ADGRA3: variants seen among roughly 807,000 people sequenced by gnomAD.
ADGRA3 encodes the protein G-protein coupled receptor 125.
ADGRA3 carries 56 observed loss-of-function variants against 119.8 expected under a neutral mutation model. The ratio of observed to expected loss-of-function variants is 0.47; its 90% CI spans 0.38 to 0.58. The LOEUF (loss-of-function observed/expected upper bound fraction) is 0.58, where lower values mean the gene tolerates loss of function less well. Ranked by LOEUF, ADGRA3 falls within the 20% of genes least tolerant of loss-of-function variation. The pLI, the probability that ADGRA3 is intolerant of heterozygous loss-of-function variation, is 0.00. For missense variants in ADGRA3, 1,516 were observed against 1,649.0 expected, an observed-to-expected ratio of 0.92 and a Z score of 1.40; for synonymous variants, 607 against 623.8, an observed-to-expected ratio of 0.97 and a Z score of 0.40.
intron 10 of ADGRA3, among the ~76,000 whole-genome samples, chr4:22,434,006 A>G (rs1398146953): frequency 6.6e-6 from 1 of 152,048 alleles, no homozygotes. Flanking sequence ...TCCCGTTTAT[A>G]TACATGTATC....
intron 12 of ADGRA3, chr4:22,414,686 C>G (rs2109025793): frequency 1.5e-6 from 1 of 657,810 alleles, no homozygotes; most frequent in Non-Finnish European, 2.7e-6. Flanking sequence ...AGCCCAAATC[C>G]TAAGTTCACC....
At chr4:22,498,924 A>AAAAAAAC (rs1267971999) in intron 1 of ADGRA3, among the ~76,000 whole-genome samples, 2 of 1,836 alleles carry the variant, frequency 1.1e-3, no homozygotes, top group African/African-American at 2.9e-3. Flanking sequence ...AAAAAAAAAC[A>AAAAAAAC]AAAAAAACAA....
At position 22,388,312 on chromosome 4, in the gene ADGRA3, G is replaced by C; in HGVS notation, c.3359C>G (p.Ala1120Gly). ...SQGCKLTNLQ[A>G]AAAQCHANSL... ...ATTGGCATGGCACTGAGCTGCAGCCGCCTGCAAGTTTGTTAATTTGCAGCC... is the reference window on the plus strand; with the variant it reads ...ATTGGCATGGCACTGAGCTGCAGCCCCCTGCAAGTTTGTTAATTTGCAGCC... Residue 1120 changes from alanine to glycine, a missense_variant, in exon 19 of 19, where the codon GCG (alanine) becomes GGG (glycine). This residue lies in a region of ADGRA3 where 1,088 missense variants were observed against 1,107.1 expected (regional missense o/e 0.98). Transcript: ENST00000334304. 6.2e-7 allele frequency: 1 copy of C among 1,614,030 alleles called. No homozygotes were observed. Among genetic ancestry groups the C allele is most frequent in the Non-Finnish European group, 8.5e-7 (1 of 1,179,992 alleles).
At position 22,515,704 on chromosome 4, in the gene ADGRA3, C is replaced by A. The variant is rs1719639463; in HGVS notation, c.81G>T (p.Leu27=). ...LPLSLLALLA[L]LGGGGGGGAA... Reference sequence around the variant, plus strand: ...CGCCGCCGCCGCCGCCGCCTCCCAGCAGCGCGAGCAGCGCTAACAGCGAGA... The same window carrying A: ...CGCCGCCGCCGCCGCCGCCTCCCAGAAGCGCGAGCAGCGCTAACAGCGAGA... Residue 27 remains leucine, a synonymous_variant, in exon 1 of 19, where the codon CTG becomes CTT. Transcript: ENST00000334304. 3 of 1,069,216 alleles carry A rather than the reference C, an allele frequency of 2.8e-6. No homozygotes were observed. Among genetic ancestry groups the A allele is most frequent in the Non-Finnish European group, 3.4e-6 (3 of 889,846 alleles). The allele number at this position is 1,069,216 out of a possible 1,614,324, so 66.2% of individuals were successfully genotyped here.
rs145196680 is a variant in ADGRA3 at position 22,407,893 on chromosome 4, T to C, written c.2233-5094A>G. Among the ~76,000 whole-genome samples, 1,493 of 152,118 alleles carry C rather than the reference T, an allele frequency of 9.8e-3. 16 individuals carry two copies. Among genetic ancestry groups the C allele is most frequent in the Non-Finnish European group, 0.013 (870 of 67,954 alleles). On this transcript the variant is annotated intron_variant, in intron 14 of 18. Coordinates refer to ENST00000334304, the MANE Select transcript of ADGRA3 (RefSeq NM_145290.4). ...CAATAAGAATAATTAAAATAAGCAA[T>C]TGTCTAAGTACCAGGATCTGAACAA...
chr4:22,444,040 GTT>G (rs2109075644), intron 6 of ADGRA3, among the ~76,000 whole-genome samples: 1 of 151,934 alleles, frequency 6.6e-6, no homozygotes, highest in East Asian at 1.9e-4. Context: ...TTTTGTTTTT[GTT>G]TTTGTTTCTT....
intron 1 of ADGRA3, among the ~76,000 whole-genome samples, chr4:22,497,064 T>C (rs1718854042): frequency 6.6e-6 from 1 of 152,108 alleles, no homozygotes; most frequent in Non-Finnish European, 1.5e-5. Context: ...TTGGGGCGAA[T>C]CATAACCAAA....
At chr4:22,457,313 A>C (rs1717271994) in intron 3 of ADGRA3, among the ~76,000 whole-genome samples, 1 of 152,230 alleles carries the variant, frequency 6.6e-6, no homozygotes, top group Non-Finnish European at 1.5e-5. Context: ...AATAACAAAA[A>C]TACTTTATGT....
intron 1 of ADGRA3, among the ~76,000 whole-genome samples, chr4:22,500,599 TA>T (rs1216940556): frequency 6.6e-6 from 1 of 152,170 alleles, no homozygotes; most frequent in Non-Finnish European, 1.5e-5. Flanking sequence ...GAAGTTAAAC[TA>T]GCAGCAGAAA....
intron 14 of ADGRA3, among the ~76,000 whole-genome samples, chr4:22,404,086 T>A (rs1172496734): frequency 1.3e-5 from 2 of 152,184 alleles, no homozygotes; most frequent in African/African-American, 4.8e-5. Flanking sequence ...CCATGCCAGA[T>A]AACCTGGGTT....
chr4:22,466,587 C>T (rs532157533), intron 2 of ADGRA3, among the ~76,000 whole-genome samples: 9 of 152,196 alleles, frequency 5.9e-5, no homozygotes, highest in Admixed American at 3.9e-4. Context: ...ATTAGCCAGG[C>T]GTGATGGCGC....
chr4:22,485,526 G>A (rs551825027), intron 1 of ADGRA3, among the ~76,000 whole-genome samples: 1 of 152,186 alleles, frequency 6.6e-6, no homozygotes, highest in East Asian at 1.9e-4. Context: ...GTGGTTCCAT[G>A]GGACTGGTTT....
chr4:22,454,104 G>A (rs972948345), intron 4 of ADGRA3, among the ~76,000 whole-genome samples: 2 of 152,078 alleles, frequency 1.3e-5, no homozygotes, highest in Non-Finnish European at 2.9e-5. Flanking sequence ...CAACTGATCT[G>A]TCTGCCTCGG....
intron 16 of ADGRA3, chr4:22,397,913 C>T (rs1714433042): frequency 4.8e-6 from 1 of 206,590 alleles, no homozygotes; most frequent in Non-Finnish European, 8.5e-6. Context: ...AGCATGAAAA[C>T]AGAATAATAC....
chr4:22,453,222 G>A (rs1175118745), intron 4 of ADGRA3, among the ~76,000 whole-genome samples: 35 of 118,930 alleles, frequency 2.9e-4, no homozygotes, highest in African/African-American at 6.9e-4. Context: ...AAAAAAGAAA[G>A]AAAAAGTAAA....
chr4:22,507,017 C>T (rs989412857), intron 1 of ADGRA3, among the ~76,000 whole-genome samples: 1 of 151,830 alleles, frequency 6.6e-6, no homozygotes, highest in Admixed American at 6.6e-5. Flanking sequence ...GCGGGCGGAT[C>T]ACGAGGTCAG....
In ADGRA3 at chr4:22,515,617, C is replaced by CGCCGCCCTGCCAGCCCCTCGGG. The variant is rs1218899571; in HGVS notation, c.146_167dup (p.Gly57ProfsTer41). On this transcript the variant is annotated frameshift_variant, in exon 1 of 19. Transcript: ENST00000334304. LOFTEE classifies it high-confidence loss of function. ...ACACCACCTTGCCCTCGGCGGCGCC[C>CGCCGCCCTGCCAGCCCCTCGGG]GCCGCCCTGCCAGCCCCTCGGGGCC... The CGCCGCCCTGCCAGCCCCTCGGG allele has an allele frequency of 6.5e-7, 1 of 1,541,198 alleles. No individual in the cohort carries two copies.
At chr4:22,432,955 G>C (rs539889846) in intron 10 of ADGRA3, among the ~76,000 whole-genome samples, 3 of 152,100 alleles carry the variant, frequency 2.0e-5, no homozygotes, top group East Asian at 1.9e-4. Flanking sequence ...GTGCATTTTA[G>C]GATAACTTGG....
chr4:22,436,528 C>T lies in ADGRA3; in HGVS notation c.1199G>A (p.Cys400Tyr). Residue 400 changes from cysteine to tyrosine, a missense_variant, in exon 9 of 19, where the codon TGT becomes TAT. Physicochemically the swap from Cys to Tyr is radical, Grantham distance 194 (BLOSUM62 -2). This residue lies in a region of ADGRA3 where 428 missense variants were observed against 541.9 expected (regional missense o/e 0.79). Transcript: ENST00000334304. Reference protein sequence around the residue: ...PQDERKAWRRCDRGGFWADDD... With the variant: ...PQDERKAWRRYDRGGFWADDD... ...ATCTGCCCAAAAGCCACCTCTATCA[C>T]ATCTGCGCCAAGCTTTTCTCTCATC... 1 of 1,613,690 alleles carries T rather than the reference C, an allele frequency of 6.2e-7. No individual in the cohort carries two copies. Among genetic ancestry groups the T allele is most frequent in the African/African-American group, 1.3e-5 (1 of 75,032 alleles).
Sources: gnomAD v4.1 joint callset for allele counts (sites outside exome capture counted in the v4.1 genomes callset) on GRCh38, gnomAD v4.1.1 for gene constraint, gnomAD v4.1.1 regional missense constraint, MANE v1.5 for transcripts, NCBI Gene and HGNC (gene_info 2026-07-23, HGNC 2026-07-21) for gene names.